ABCF3: variants seen among roughly 807,000 people sequenced by gnomAD.
ABCF3 encodes ATP binding cassette subfamily F member 3.
Under a neutral mutation model 94.3 loss-of-function variants are expected in ABCF3, and 62 were observed. That is an observed-to-expected ratio of 0.66 (90% confidence interval 0.54 to 0.81). ABCF3 has a LOEUF of 0.81. Among genes scored for constraint, ABCF3 ranks in the 40% least tolerant of loss-of-function variants. The pLI is 0.00. For missense variants in ABCF3, 843 were observed against 925.3 expected (o/e 0.91, Z 1.15); for synonymous variants, 355 against 361.1 (o/e 0.98, Z 0.19).
intron 16 of ABCF3, among the ~76,000 whole-genome samples, chr3:184,191,825 G>A (rs532934215): frequency 4.8e-5 from 7 of 145,004 alleles, no homozygotes; most frequent in East Asian, 4.3e-4. Context: ...TTGGCTCACC[G>A]CAGCTTTCGC....
In ABCF3 at chr3:184,189,773, G is replaced by C; in HGVS notation, c.1314+16G>C. The C allele has an allele frequency of 1.2e-6, 2 of 1,613,962 alleles. No homozygotes were observed. Among genetic ancestry groups the C allele is most frequent in the Non-Finnish European group, 1.7e-6 (2 of 1,180,004 alleles). On this transcript the variant is annotated intron_variant, in intron 13 of 20. Coordinates refer to ENST00000429586, the MANE Select transcript of ABCF3 (RefSeq NM_018358.3). ...GCACATCCAGGTGTGGGGCCTGGCA[G>C]GGCTGGGGGTCCCATCCCAGGGGTT...
In ABCF3 at chr3:184,190,031, G is replaced by T. The variant is rs1171150057; in HGVS notation, c.1391+100G>T. ...CCCTACCATTCTAGGTCTCCCCTTC[G>T]CTAGAAGCCAACTGTGACTTCCTCC... On this transcript the variant is annotated intron_variant, in intron 14 of 20. Coordinates refer to ENST00000429586, the MANE Select transcript of ABCF3 (RefSeq NM_018358.3). The T allele has an allele frequency of 2.4e-6, 3 of 1,269,556 alleles. No individual in the cohort carries two copies. In the African/African-American group the frequency reaches 4.4e-5, roughly 19 times the overall value. 78.6% of individuals were successfully genotyped at this position (1,269,556 alleles called of 1,614,324 possible). A position where few individuals can be genotyped will look rare whatever the true frequency, so the allele number is the denominator to read the frequency against.
In ABCF3 at chr3:184,193,685, A is replaced by T; in HGVS notation, c.2117A>T (p.Glu706Val). The change falls in exon 21 of 21, where the codon GAA (glutamate) becomes GTA (valine). Residue 706 changes from glutamate (E) to valine (V), a missense_variant. Transcript: ENST00000429586. This position sits in a 1 kb window ranked among gnomAD's most constrained non-coding sequence, Gnocchi z 5.2. ...CTCCTCCAGGAACAGTTCCGCCGCG[A>T]AGGCTTCCTCTAGGGCCACCAGGCT... ...RALLQEQFRREGFL is the reference protein window; with the variant it reads ...RALLQEQFRRVGFL 6.2e-7 allele frequency: 1 copy of T among 1,611,618 alleles called. No homozygotes were observed. The highest frequency in any genetic ancestry group is 8.5e-7 in the Non-Finnish European group (1 of 1,178,530).
rs1413501979 is a variant in ABCF3 at position 184,193,849 on chromosome 3, C to G, written c.*151C>G. The G allele has an allele frequency of 3.8e-6, 4 of 1,047,090 alleles. No homozygotes were observed. The highest frequency in any genetic ancestry group is 3.0e-5 in the Admixed American group (1 of 33,610). 64.9% of individuals were successfully genotyped at this position (1,047,090 alleles called of 1,614,324 possible). ...TCTATCCTTTTGACTGGAGCATCTT[C>G]TGCACAACCTTGGGAGCCCATCCAA... On this transcript the variant is annotated 3_prime_UTR_variant, in exon 21 of 21. Coordinates refer to ENST00000429586, the MANE Select transcript of ABCF3 (RefSeq NM_018358.3). This position sits in a 1 kb window ranked among gnomAD's most constrained non-coding sequence, Gnocchi z 5.2.
Position 184,191,749 on chromosome 3 carries a change from C to CTTTTTTTTTTTTTTTTTTTTTTT in ABCF3, c.1569+508_1569+509insTTTTTTTTTTTTTTTTTTTTTTT, listed in dbSNP as rs375009324. Among the ~76,000 whole-genome samples, 121 of 114,674 alleles carry CTTTTTTTTTTTTTTTTTTTTTTT rather than the reference C, an allele frequency of 1.1e-3. 14 individuals are homozygous for CTTTTTTTTTTTTTTTTTTTTTTT. In the Middle Eastern group the frequency reaches 0.02, roughly 19 times the overall value. The allele number at this position is 114,674 out of a possible 152,430, so 75.2% of individuals were successfully genotyped here. A position where few individuals can be genotyped will look rare whatever the true frequency, so the allele number is the denominator to read the frequency against. ...GCATTTTTCTGTAGAGTTAGAGTTC[C>CTTTTTTTTTTTTTTTTTTTTTTT]TTTTTTTTTTTTTTCGGAGACAGAG... On this transcript the variant is annotated intron_variant, in intron 16 of 20. Coordinates refer to ENST00000429586, the MANE Select transcript of ABCF3 (RefSeq NM_018358.3).
intron 14 of ABCF3, 114 bp from the exon 15 acceptor site, chr3:184,190,885 T>C (rs1031631840): frequency 2.4e-6 from 3 of 1,230,988 alleles, no homozygotes; most frequent in Non-Finnish European, 2.3e-6. Context: ...AAAGTAATGA[T>C]ACCTGAGTGG....
intron 16 of ABCF3, 38 bp downstream of exon 16, chr3:184,191,293 C>G: frequency 6.2e-7 from 1 of 1,611,616 alleles, no homozygotes. Context: ...AGCTGGGACT[C>G]TCCTGTCTAA....
chr3:184,192,751 C>T, intron 17 of ABCF3, 54 bp from the exon 18 acceptor site: 1 of 1,609,404 alleles, frequency 6.2e-7, no homozygotes, highest in Non-Finnish European at 8.5e-7. Context: ...GCTGCCTGCG[C>T]TCCTTCGTGG....
At chr3:184,189,219 G>T in intron 10 of ABCF3, 36 bp from the exon 11 acceptor site, 1 of 1,614,172 alleles carries the variant, frequency 6.2e-7, no homozygotes, top group Non-Finnish European at 8.5e-7. Flanking sequence ...ATGAGTTGCT[G>T]ACCTAAAACC....
In ABCF3 at chr3:184,186,569, G is replaced by GAACT. The variant is rs1306636753; in HGVS notation, c.138_141dup (p.Leu48ThrfsTer12). 3 of 1,613,980 alleles carry GAACT rather than the reference G, an allele frequency of 1.9e-6. No homozygotes were observed. The stretch of plus-strand genomic sequence containing the variant: ...GGATGACCTGGTGGAAGCTGTAGGG[G>GAACT]AACTATTGCAAGAGGTGTCCGGGGA... On this transcript the variant is annotated frameshift_variant, in exon 2 of 21. Transcript: ENST00000429586. LOFTEE classifies it high-confidence loss of function.
Position 184,188,394 on chromosome 3 carries a change from A to G in ABCF3, c.823A>G (p.Ile275Val). Residue 275 changes from isoleucine to valine, a missense_variant, in exon 7 of 21, where the codon ATT (isoleucine) becomes GTT (valine). Coordinates refer to ENST00000429586, the MANE Select transcript of ABCF3 (RefSeq NM_018358.3). ...GAGGGAGCGGGAGCTCACTGCCCAG[A>G]TTGCTGCTGGCAGGTGAGGACTCCC... Reference protein sequence around the residue: ...LRRERELTAQIAAGRAEGSEA... With the variant: ...LRRERELTAQVAAGRAEGSEA... 1 of 1,607,270 alleles carries G rather than the reference A, an allele frequency of 6.2e-7. No homozygotes were observed. Among genetic ancestry groups the G allele is most frequent in the Non-Finnish European group, 8.5e-7 (1 of 1,175,314 alleles).
chr3:184,188,453 C>T (rs1273713444), intron 7 of ABCF3, 46 bp downstream of exon 7: 1 of 1,574,572 alleles, frequency 6.4e-7, no homozygotes, highest in Non-Finnish European at 8.6e-7. Context: ...CTGTCGCTTA[C>T]AGAGCGCCTG....
At position 184,188,121 on chromosome 3, in the gene ABCF3, T is replaced by G; in HGVS notation, c.570-20T>G. The G allele has an allele frequency of 1.9e-6, 3 of 1,610,988 alleles. No homozygotes were observed. The highest frequency in any genetic ancestry group is 1.1e-5 in the South Asian group (1 of 91,064). Reference sequence around the variant, plus strand: ...ACCTATTTCTAGAGCATCTTTGGTCTCCTTTCTCCACTCCTGCAGAGTACT... The same window carrying G: ...ACCTATTTCTAGAGCATCTTTGGTCGCCTTTCTCCACTCCTGCAGAGTACT... On this transcript the variant is annotated intron_variant, in intron 6 of 20. Coordinates refer to ENST00000429586, the MANE Select transcript of ABCF3 (RefSeq NM_018358.3).
In ABCF3 at chr3:184,193,618, G is replaced by T. The variant is rs373943822; in HGVS notation, c.2050G>T (p.Gly684Cys). The T allele has an allele frequency of 1.4e-5, 23 of 1,613,962 alleles. No homozygotes were observed. In the East Asian group the frequency reaches 1.6e-4, roughly 11 times the overall value. ...GGAGTTGTGGGTATGCGAAGGAGGC[G>T]GCGTCACCCGTGTGGAAGGAGGATT... ...CRELWVCEGGGVTRVEGGFDQ... is the reference protein window; with the variant it reads ...CRELWVCEGGCVTRVEGGFDQ... Residue 684 changes from glycine (G) to cysteine (C), a missense_variant, in exon 21 of 21, where the codon GGC (glycine) becomes TGC (cysteine). Physicochemically the swap from Gly to Cys is radical, Grantham distance 159. Coordinates refer to ENST00000429586, the MANE Select transcript of ABCF3 (RefSeq NM_018358.3). The surrounding 1 kb of genome is among the most constrained non-coding windows in gnomAD (Gnocchi z 5.2).
At chr3:184,191,734 GTAGAGT>G (rs66581821) in intron 16 of ABCF3, among the ~76,000 whole-genome samples, 58,473 of 119,186 alleles carry the variant, frequency 0.49, 16,004 homozygotes, top group East Asian at 0.62. Flanking sequence ...GCATTTTTCT[GTAGAGT>G]TAGAGTTCCT....
At chr3:184,192,254 C>T (rs7617668) in intron 16 of ABCF3, among the ~76,000 whole-genome samples, 2,070 of 152,186 alleles carry the variant, frequency 0.014, 45 homozygotes, top group African/African-American at 0.047. Flanking sequence ...TTAGCATATT[C>T]ATCATAAACA....
chr3:184,190,283 C>T (rs1715937921), intron 14 of ABCF3: 2 of 301,124 alleles, frequency 6.6e-6, no homozygotes, highest in African/African-American at 4.3e-5. Context: ...CATTTCTTTT[C>T]GTGGCTGGAT....
chr3:184,186,233 G>T lies in ABCF3; in HGVS notation c.26G>T (p.Arg9Leu), dbSNP rs780407881. The change falls in exon 1 of 21, where the codon CGG becomes CTG. Residue 9 changes from arginine to leucine, a missense_variant. Arg to Leu is a moderately radical substitution (Grantham distance 102, BLOSUM62 -2). Transcript: ENST00000429586. MATCAEIL[R>L]SEFPEIDGQV... ...ATGGCGACTTGCGCCGAAATCCTGCGGAGCGAGTTCCCCGAAATTGACGGA... is the reference window on the plus strand; with the variant it reads ...ATGGCGACTTGCGCCGAAATCCTGCTGAGCGAGTTCCCCGAAATTGACGGA... 9 of 1,614,204 alleles carry T rather than the reference G, an allele frequency of 5.6e-6. No individual in the cohort carries two copies. Among genetic ancestry groups the T allele is most frequent in the South Asian group, 3.3e-5 (3 of 91,090 alleles).
rs764453976 is a variant in ABCF3 at position 184,188,201 on chromosome 3, G to A, written c.630G>A (p.Gly210=). 3 of 1,613,972 alleles carry A rather than the reference G, an allele frequency of 1.9e-6. No individual in the cohort carries two copies. The African/African-American group carries it at 4.0e-5, about 22-fold the overall frequency. ...LAWGRRYGLV[G]RNGLGKTTLL... ...GGGGCCGCCGTTACGGGCTGGTGGG[G>A]CGGAATGGGTTGGGGAAGACAACGT... The change falls in exon 7 of 21, where the codon GGG becomes GGA. Residue 210 remains glycine, a synonymous_variant. Coordinates refer to ENST00000429586, the MANE Select transcript of ABCF3 (RefSeq NM_018358.3).
Sources: allele counts gnomAD v4.1 joint callset (sites outside exome capture counted in the v4.1 genomes callset), GRCh38; gene constraint gnomAD v4.1.1; non-coding constraint Gnocchi (gnomAD v3.1); transcripts MANE v1.5; gene names NCBI Gene and HGNC (gene_info 2026-07-23, HGNC 2026-07-21).